The following RASA3 variants were observed in gnomAD, a reference collection of about 807,000 sequenced individuals.
RASA3 encodes ras GTPase-activating protein 3.
A neutral mutation model predicts 110.0 loss-of-function variants in RASA3; 73 were observed. The ratio of observed to expected loss-of-function variants is 0.66; its 90% CI spans 0.55 to 0.81. RASA3 has a LOEUF of 0.81. Among genes scored for constraint, RASA3 ranks in the 30% least tolerant of loss-of-function variants. RASA3 has a pLI of 0.00. For synonymous variants in RASA3, 500 were observed against 451.4 expected, an observed-to-expected ratio of 1.11 and a Z score of -1.37; for missense variants, 976 against 1,113.2, an observed-to-expected ratio of 0.88 and a Z score of 1.75.
rs113473716 is a variant in RASA3, at chr13:114,071,582, C to T, written c.173+2138G>A. On this transcript the variant is annotated intron_variant, in intron 2 of 23. Coordinates refer to ENST00000334062, the MANE Select transcript of RASA3 (RefSeq NM_007368.4). ...ATTTTCTTCAGAAGAATGGCTGTGC[C>T]CAGTCATCGCCATGGCAACCCCAAG... Among the ~76,000 whole-genome samples, 6 of 152,314 alleles carry T rather than the reference C, an allele frequency of 3.9e-5. 1 individual carries two copies. Among genetic ancestry groups the T allele is most frequent in the African/African-American group, 1.4e-4 (6 of 41,566 alleles).
intron 1 of RASA3, among the ~76,000 whole-genome samples, chr13:114,129,462 G>A (rs1253843396): frequency 2.0e-5 from 3 of 152,176 alleles, no homozygotes; most frequent in African/African-American, 7.2e-5. Context: ...GGGAAAGGAG[G>A]AAGAGATTCT....
chr13:114,087,208 CGT>C, intron 1 of RASA3, among the ~76,000 whole-genome samples: 1 of 74,694 alleles, frequency 1.3e-5, no homozygotes, highest in African/African-American at 3.3e-5. Context: ...CGACTCCCTT[CGT>C]CCTCGCGGGG....
chr13:114,100,748 T>C (rs1228136242), intron 1 of RASA3, among the ~76,000 whole-genome samples: 11 of 152,122 alleles, frequency 7.2e-5, no homozygotes, highest in African/African-American at 2.7e-4. Context: ...TGTCCAGCCG[T>C]TTGGGAACTG....
At position 114,041,084 on chromosome 13, in the gene RASA3, G is replaced by A. The variant is rs1196496953; in HGVS notation, c.288C>T (p.Ala96=). Residue 96 remains alanine, a synonymous_variant, in exon 4 of 24, where the codon GCC becomes GCT. Coordinates refer to ENST00000334062, the MANE Select transcript of RASA3 (RefSeq NM_007368.4). ...FRRDSIIGKV[A]IQKEDLQKYH... is the part of the protein sequence containing the mutation. ...ACTTCTGCAAGTCCTCCTTCTGGAT[G>A]GCCACCTTCCCTGCAACACAAGCAG... 1.2e-6 allele frequency: 2 copies of A among 1,613,740 alleles called. No individual in the cohort carries two copies.
chr13:114,117,636 T>A (rs1157109508), intron 1 of RASA3, among the ~76,000 whole-genome samples: 41 of 111,798 alleles, frequency 3.7e-4, no homozygotes, highest in African/African-American at 6.5e-4. Flanking sequence ...GTCTGAGGGG[T>A]GCATGTGTGT....
intron 4 of RASA3, 134 bp from the exon 5 acceptor site, chr13:114,030,021 C>T: frequency 1.3e-6 from 1 of 744,450 alleles, no homozygotes; most frequent in Non-Finnish European, 2.3e-6. Context: ...TGGGCACGTC[C>T]AGCCCCTCCA....
At chr13:114,117,657 CGT>C (rs1414650649) in intron 1 of RASA3, among the ~76,000 whole-genome samples, 2 of 104,492 alleles carry the variant, frequency 1.9e-5, no homozygotes, top group South Asian at 3.2e-4. Flanking sequence ...GAGGGGTGCA[CGT>C]GTGTGAGGGA....
intron 2 of RASA3, among the ~76,000 whole-genome samples, chr13:114,066,954 C>T (rs899992202): frequency 7.0e-6 from 1 of 143,364 alleles, no homozygotes; most frequent in Admixed American, 6.9e-5. Flanking sequence ...CGGGCCTCCC[C>T]ACCTGGGCTG....
At chr13:113,993,620 C>T (rs1448071348) in intron 21 of RASA3, among the ~76,000 whole-genome samples, 11 of 151,126 alleles carry the variant, frequency 7.3e-5, no homozygotes, top group Admixed American at 6.6e-4. Context: ...CCATCCTGGC[C>T]AACATGGTGA....
chr13:114,077,869 T>C (rs937849956), intron 1 of RASA3: 1 of 984,226 alleles, frequency 1.0e-6, no homozygotes, highest in Non-Finnish European at 1.2e-6. Flanking sequence ...TTTGCTATGA[T>C]GCATTTAATA....
At position 114,008,997 on chromosome 13, in the gene RASA3, C is replaced by T. The variant is rs149356264; in HGVS notation, c.1668+390G>A. 7.5e-5 allele frequency among the ~76,000 whole-genome samples: 11 copies of T among 146,496 alleles called. No individual in the cohort carries two copies. The East Asian group carries it at 1.3e-3, about 18-fold the overall frequency. On this transcript the variant is annotated intron_variant, in intron 17 of 23. Transcript: ENST00000334062. ...AACTGTGGGGAGGAGCAGAGCCCTG[C>T]GGTCTGGATGTTCCCCACGCACCGC...
chr13:114,017,925 C>CAA (rs11296653), intron 11 of RASA3, among the ~76,000 whole-genome samples, 179 bp downstream of exon 11: 2 of 121,882 alleles, frequency 1.6e-5, no homozygotes, highest in African/African-American at 6.1e-5. Flanking sequence ...ATGGGACTTT[C>CAA]AAAAAAAAAA....
chr13:114,040,989 G>T lies in RASA3; in HGVS notation c.372+11C>A. 1 of 1,612,938 alleles carries T rather than the reference G, an allele frequency of 6.2e-7. No individual in the cohort carries two copies. Among genetic ancestry groups the T allele is most frequent in the Non-Finnish European group, 8.5e-7 (1 of 1,179,840 alleles). On this transcript the variant is annotated intron_variant, in intron 4 of 23. Coordinates refer to ENST00000334062, the MANE Select transcript of RASA3 (RefSeq NM_007368.4). Reference sequence around the variant, plus strand: ...GGGCTCTGGTTTCCGGGGCTGCGCCGAGAGTCTCACCTGCACTTCCGAGTC... The same window carrying T: ...GGGCTCTGGTTTCCGGGGCTGCGCCTAGAGTCTCACCTGCACTTCCGAGTC...
intron 21 of RASA3, among the ~76,000 whole-genome samples, chr13:113,995,084 T>C (rs2053201360): frequency 6.6e-6 from 1 of 152,246 alleles, no homozygotes; most frequent in African/African-American, 2.4e-5. Flanking sequence ...CTGGAGCCTC[T>C]TGGGACCCAC....
rs113664056 is a variant in RASA3 at position 114,094,759 on chromosome 13, T to C, written c.56-20922A>G. 3.9e-5 allele frequency among the ~76,000 whole-genome samples: 6 copies of C among 152,356 alleles called. 1 individual carries two copies. The highest frequency in any genetic ancestry group is 1.4e-4 in the African/African-American group (6 of 41,584). On this transcript the variant is annotated intron_variant, in intron 1 of 23. Coordinates refer to ENST00000334062, the MANE Select transcript of RASA3 (RefSeq NM_007368.4). Reference sequence around the variant, plus strand: ...ACTTCTTTTAGAGCTTATATTTAATTGTATTATTTTTATTTATGCATTTTG... The same window carrying C: ...ACTTCTTTTAGAGCTTATATTTAATCGTATTATTTTTATTTATGCATTTTG...
intron 4 of RASA3, among the ~76,000 whole-genome samples, chr13:114,037,164 C>A (rs904854460): frequency 2.6e-5 from 4 of 152,180 alleles, no homozygotes; most frequent in African/African-American, 9.7e-5. Context: ...GCTGTGAGAT[C>A]AACCTGCGGC....
chr13:114,081,279 G>A (rs185069844), intron 1 of RASA3, among the ~76,000 whole-genome samples: 92 of 152,280 alleles, frequency 6.0e-4, no homozygotes, highest in African/African-American at 2.1e-3. Flanking sequence ...ATCCCTAAAC[G>A]TCTAGGAGGA....
At chr13:114,068,905 T>C (rs1234565930) in intron 2 of RASA3, among the ~76,000 whole-genome samples, 2 of 151,970 alleles carry the variant, frequency 1.3e-5, no homozygotes, top group South Asian at 2.1e-4. Context: ...CGTTCTGAAG[T>C]TAAACCTGTG....
At chr13:114,018,739 A>C in intron 10 of RASA3, 24 bp downstream of exon 10, 2 of 1,610,582 alleles carry the variant, frequency 1.2e-6, no homozygotes, top group Non-Finnish European at 1.7e-6. Flanking sequence ...GCCCACACCC[A>C]CAGGCCACGG....
Sources: allele counts gnomAD v4.1 joint callset (sites outside exome capture counted in the v4.1 genomes callset), GRCh38; gene constraint gnomAD v4.1.1; transcripts MANE v1.5; gene names NCBI Gene and HGNC (gene_info 2026-07-23, HGNC 2026-07-21).